Variants in AFF3 observed in about 807,000 individuals in gnomAD.
AFF3 encodes ALF transcription elongation factor 3.
In AFF3, 32 loss-of-function variants were observed where a neutral mutation model predicts 129.7. The observed-to-expected ratio is 0.25, with a 90% CI of 0.19 to 0.33. The LOEUF (loss-of-function observed/expected upper bound fraction) is 0.33. AFF3 is among the 10% of genes least tolerant of loss of function. AFF3 has a pLI of 1.00. For missense variants in AFF3, 1,373 were observed against 1,592.0 expected (o/e 0.86, Z 2.34); for synonymous variants, 644 against 635.4 (o/e 1.01, Z -0.20).
intron 8 of AFF3, among the ~76,000 whole-genome samples, chr2:99,765,587 T>C (rs1682944330): frequency 6.6e-6 from 1 of 152,322 alleles, no homozygotes; most frequent in South Asian, 2.1e-4. Context: ...ATTACCTGAG[T>C]GGTTAGTGAT....
intron 12 of AFF3, among the ~76,000 whole-genome samples, chr2:99,660,495 G>A (rs1035965885): frequency 6.6e-6 from 1 of 152,210 alleles, no homozygotes; most frequent in Non-Finnish European, 1.5e-5. Flanking sequence ...AGTTCTGAAT[G>A]TGTTATTATT....
intron 11 of AFF3, among the ~76,000 whole-genome samples, chr2:99,679,995 A>G (rs1674372872): frequency 6.6e-6 from 1 of 152,226 alleles, no homozygotes; most frequent in Non-Finnish European, 1.5e-5. Context: ...CTCACTGTTT[A>G]CTGGGAGCAG....
chr2:99,711,233 A>G (rs1288178260), intron 11 of AFF3, among the ~76,000 whole-genome samples: 1 of 152,094 alleles, frequency 6.6e-6, no homozygotes, highest in Admixed American at 6.5e-5. Flanking sequence ...TGTCTCCAAG[A>G]GGATCTGGAG....
At chr2:100,036,042 G>T (rs1684867376) in intron 4 of AFF3, among the ~76,000 whole-genome samples, 1 of 147,260 alleles carries the variant, frequency 6.8e-6, no homozygotes, top group African/African-American at 2.5e-5. Flanking sequence ...CTACCTCTTG[G>T]CTTAAAAGGG....
intron 18 of AFF3, 68 bp from the exon 19 acceptor site, chr2:99,568,983 CCTTT>C (rs1472619807): frequency 6.9e-6 from 10 of 1,439,496 alleles, no homozygotes; most frequent in Non-Finnish European, 9.8e-6. Flanking sequence ...AATATTCCTT[CCTTT>C]CACTCAAACT....
chr2:99,634,198 G>C (rs1470406250), intron 13 of AFF3, among the ~76,000 whole-genome samples: 1 of 152,176 alleles, frequency 6.6e-6, no homozygotes, highest in East Asian at 1.9e-4. Flanking sequence ...GTGAGCCACT[G>C]TCCCAGGCCA....
At chr2:100,136,489 C>T (rs1692645759) in intron 1 of AFF3, among the ~76,000 whole-genome samples, 1 of 152,154 alleles carries the variant, frequency 6.6e-6, no homozygotes, top group Non-Finnish European at 1.5e-5. Flanking sequence ...TGACAATTCT[C>T]ACTATGACTG....
intron 18 of AFF3, among the ~76,000 whole-genome samples, chr2:99,574,532 G>A (rs1440815046): frequency 4.0e-5 from 6 of 151,686 alleles, no homozygotes; most frequent in Admixed American, 1.3e-4. Context: ...ATTCCTTATA[G>A]TCATAGAAAA....
At chr2:99,585,404 A>ATCACAATTCCAGAGGTACACAGACCACC (rs2104867027) in intron 16 of AFF3, among the ~76,000 whole-genome samples, 1 of 152,300 alleles carries the variant, frequency 6.6e-6, no homozygotes, top group Non-Finnish European at 1.5e-5. Flanking sequence ...GATAGTAGTA[A>ATCACAATTCCAGAGGTACACAGACCACC]TCACAATTCC....
rs181096078 is a variant in AFF3, at chr2:99,615,261, G to A, written c.1185-13640C>T. Among the ~76,000 whole-genome samples the A allele has an allele frequency of 3.8e-3, 582 of 152,310 alleles. 4 individuals carry two copies. The highest frequency in any genetic ancestry group is 0.013 in the African/African-American group (545 of 41,562). ...GCCCTGGAGGACGCCAGGCTTGTCC[G>A]CTGTAAAAGGCTTCTCTGAAAGCCC... On this transcript the variant is annotated intron_variant, in intron 13 of 24. Transcript: ENST00000672756.
At position 99,550,074 on chromosome 2, in the gene AFF3, T is replaced by C. The variant is rs1332926513; in HGVS notation, c.*1400A>G. 1 of 227,166 alleles carries C rather than the reference T, an allele frequency of 4.4e-6. No individual in the cohort carries two copies. The highest frequency in any genetic ancestry group is 6.3e-5 in the East Asian group (1 of 15,866). The allele number at this position is 227,166 out of a possible 1,614,324, so 14.1% of individuals were successfully genotyped here. On this transcript the variant is annotated 3_prime_UTR_variant, in exon 25 of 25. Transcript: ENST00000672756. ...TTATTTTCTTTTCGTCAAGATTTCA[T>C]ATCCAAATATATTTAACAAGATGAC... is the stretch of plus-strand genomic sequence containing the variant.
chr2:99,855,984 C>G (rs930199671), intron 7 of AFF3, among the ~76,000 whole-genome samples: 2 of 152,052 alleles, frequency 1.3e-5, no homozygotes, highest in Admixed American at 1.3e-4. Context: ...AGAAAAACAT[C>G]ATACAAATCC....
chr2:99,648,915 A>ACT (rs1275377590), intron 13 of AFF3, among the ~76,000 whole-genome samples: 1,063 of 35,550 alleles, frequency 0.03, 18 homozygotes, highest in African/African-American at 0.067. Context: ...ACACACACAC[A>ACT]CACTCTCTCT....
chr2:99,757,625 C>G (rs1682230515), intron 8 of AFF3, among the ~76,000 whole-genome samples: 1 of 152,154 alleles, frequency 6.6e-6, no homozygotes, highest in Non-Finnish European at 1.5e-5. Flanking sequence ...GAAGTTCACC[C>G]AGCAGCTGGA....
At chr2:99,603,614 A>G (rs1680052268) in intron 13 of AFF3, among the ~76,000 whole-genome samples, 2 of 152,240 alleles carry the variant, frequency 1.3e-5, no homozygotes, top group Admixed American at 1.3e-4. Context: ...TTGCAACAAA[A>G]GCAAAAATTG....
chr2:99,759,784 T>C (rs1467403009), intron 8 of AFF3, among the ~76,000 whole-genome samples: 1 of 152,250 alleles, frequency 6.6e-6, no homozygotes, highest in Non-Finnish European at 1.5e-5. Context: ...TTTTATAAGA[T>C]TGATTATCCA....
At chr2:99,844,591 C>T (rs1160386591) in intron 7 of AFF3, among the ~76,000 whole-genome samples, 2 of 151,730 alleles carry the variant, frequency 1.3e-5, no homozygotes, top group East Asian at 3.9e-4. Context: ...GCATGCACCA[C>T]CACACCCTAA....
rs1196224319 is a variant in AFF3 at position 100,105,591 on chromosome 2, G to T, written c.-144-8C>A. The T allele has an allele frequency of 5.2e-6, 7 of 1,334,224 alleles. No individual in the cohort carries two copies. Among genetic ancestry groups the T allele is most frequent in the East Asian group, 4.2e-5 (1 of 24,064 alleles). The allele number at this position is 1,334,224 out of a possible 1,614,324, so 82.6% of individuals were successfully genotyped here. A position where few individuals can be genotyped will look rare whatever the true frequency, so the allele number is the denominator to read the frequency against. On this transcript the variant is annotated splice_polypyrimidine_tract_variant and splice_region_variant and intron_variant, in intron 2 of 24. Coordinates refer to ENST00000672756, the MANE Select transcript of AFF3 (RefSeq NM_001386135.1). ...GGAAAGGCAGGTGATCAGCTAGAAG[G>T]GTGATAAGAGTATCATCGTGGCTCC...
intron 2 of AFF3, among the ~76,000 whole-genome samples, chr2:100,127,803 G>A (rs1692260238): frequency 6.6e-6 from 1 of 152,172 alleles, no homozygotes; most frequent in East Asian, 1.9e-4. Context: ...GGTGTCAGAG[G>A]CGTGTGAACC....
Sources: allele counts gnomAD v4.1 joint callset (sites outside exome capture counted in the v4.1 genomes callset), GRCh38; gene constraint gnomAD v4.1.1; transcripts MANE v1.5; gene names NCBI Gene and HGNC (gene_info 2026-07-23, HGNC 2026-07-21).